The following CHST11 variants were observed in gnomAD, a reference collection of about 807,000 sequenced individuals.
CHST11 encodes the protein C4S-1.
A neutral mutation model predicts 30.4 loss-of-function variants in CHST11; 9 were observed. That is an observed-to-expected ratio of 0.30 (90% CI 0.18 to 0.52). CHST11 has a LOEUF of 0.52. Ranked by LOEUF, CHST11 falls within the 20% of genes least tolerant of loss-of-function variation. The probability of loss-of-function intolerance (pLI) is 0.97; values close to 1 mark genes in which losing one functional copy is unlikely to be tolerated. For synonymous variants in CHST11, 152 were observed against 187.8 expected, an observed-to-expected ratio of 0.81 and a Z score of 1.56; for missense variants, 348 against 460.6, an observed-to-expected ratio of 0.76 and a Z score of 2.24.
intron 2 of CHST11, among the ~76,000 whole-genome samples, chr12:104,678,956 G>T (rs80202848): frequency 1.3e-5 from 2 of 152,036 alleles, no homozygotes; most frequent in South Asian, 2.1e-4. Flanking sequence ...AATTTCTCCC[G>T]CTCTAGCTCA....
At chr12:104,693,574 GA>G (rs1412570249) in intron 2 of CHST11, among the ~76,000 whole-genome samples, 1 of 152,182 alleles carries the variant, frequency 6.6e-6, no homozygotes, top group Non-Finnish European at 1.5e-5. Context: ...CAGTCCACTG[GA>G]TGGGAGACAA....
intron 1 of CHST11, among the ~76,000 whole-genome samples, chr12:104,480,509 C>A (rs1407091713): frequency 7.0e-6 from 1 of 142,838 alleles, no homozygotes; most frequent in South Asian, 2.3e-4. Context: ...ACCTGGGAGG[C>A]GGAGGTTGCA....
At chr12:104,487,161 C>T (rs1379999384) in intron 1 of CHST11, among the ~76,000 whole-genome samples, 1 of 152,166 alleles carries the variant, frequency 6.6e-6, no homozygotes, top group Non-Finnish European at 1.5e-5. Flanking sequence ...TTGTAATAAC[C>T]CCGTTATCAA....
At chr12:104,738,857 C>G (rs549156243) in intron 2 of CHST11, among the ~76,000 whole-genome samples, 16 of 152,356 alleles carry the variant, frequency 1.1e-4, no homozygotes, top group African/African-American at 3.8e-4. Flanking sequence ...GAAATCATAT[C>G]TTGCTTCAAA....
In CHST11 at chr12:104,574,548, T is replaced by C. The variant is rs570184356; in HGVS notation, c.119-27358T>C. 7.7e-3 allele frequency among the ~76,000 whole-genome samples: 1,178 copies of C among 152,312 alleles called. 65 individuals are homozygous for C. Among genetic ancestry groups the C allele is most frequent in the Admixed American group, 0.07 (1,074 of 15,290 alleles). ...GCAGCCATAAAAAATGATGAGTTCA[T>C]GTCCTTTGTAGGGACATGGATGAAG... On this transcript the variant is annotated intron_variant, in intron 1 of 2. Coordinates refer to ENST00000303694, the MANE Select transcript of CHST11 (RefSeq NM_018413.6).
intron 2 of CHST11, among the ~76,000 whole-genome samples, chr12:104,728,331 A>G (rs1196668735): frequency 6.6e-6 from 1 of 152,192 alleles, no homozygotes; most frequent in Admixed American, 6.5e-5. Context: ...TTCAGAAGAA[A>G]GGAAACAGAA....
At chr12:104,574,345 G>A (rs1275150012) in intron 1 of CHST11, among the ~76,000 whole-genome samples, 17 of 152,142 alleles carry the variant, frequency 1.1e-4, no homozygotes, top group Admixed American at 1.1e-3. Flanking sequence ...ATTTGACCCA[G>A]CCATCCCATT....
At chr12:104,582,934 C>T (rs1212203189) in intron 1 of CHST11, among the ~76,000 whole-genome samples, 1 of 151,860 alleles carries the variant, frequency 6.6e-6, no homozygotes, top group Non-Finnish European at 1.5e-5. Flanking sequence ...CTGGCTGCTT[C>T]CCCTAGAGAC....
rs1555226434 is a variant in CHST11 at position 104,475,688 on chromosome 12, A to ATATATATATATT, written c.118+18162_118+18163insATATATATTTAT. Among the ~76,000 whole-genome samples the ATATATATATATT allele has an allele frequency of 5.0e-3, 390 of 78,274 alleles. 18 individuals carry two copies. The highest frequency in any genetic ancestry group is 8.3e-3 in the Middle Eastern group (1 of 120). 51.4% of individuals were successfully genotyped at this position (78,274 alleles called of 152,430 possible). On this transcript the variant is annotated intron_variant, in intron 1 of 2. Coordinates refer to ENST00000303694, the MANE Select transcript of CHST11 (RefSeq NM_018413.6). The stretch of plus-strand genomic sequence containing the variant: ...TATATATATATATATATATATATAT[A>ATATATATATATT]TATTTCTGATTATGAAATTAATTCA...
chr12:104,629,671 A>C lies in CHST11; in HGVS notation c.204+27680A>C, dbSNP rs139926568. The stretch of plus-strand genomic sequence containing the variant: ...ATCCCATCTCTACTAAAAATACAAA[A>C]TTTAACTGGGTGTGGTGGCACGCAC... On this transcript the variant is annotated intron_variant, in intron 2 of 2. Transcript: ENST00000303694. Among the ~76,000 whole-genome samples, 145 of 152,260 alleles carry C rather than the reference A, an allele frequency of 9.5e-4. 2 individuals are homozygous for C. In the East Asian group the frequency reaches 0.02, roughly 21 times the overall value.
intron 2 of CHST11, among the ~76,000 whole-genome samples, chr12:104,710,371 C>T (rs2040077011): frequency 6.6e-6 from 1 of 152,182 alleles, no homozygotes; most frequent in Non-Finnish European, 1.5e-5. Context: ...CAGACATTCC[C>T]AGCAGGCTCT....
chr12:104,515,792 G>A (rs375662147), intron 1 of CHST11, among the ~76,000 whole-genome samples: 4 of 152,206 alleles, frequency 2.6e-5, no homozygotes, highest in Admixed American at 2.6e-4. Context: ...TGGGGTGTGA[G>A]CCCTGAACCT....
chr12:104,620,814 G>A (rs1343141604), intron 2 of CHST11, among the ~76,000 whole-genome samples: 2 of 152,108 alleles, frequency 1.3e-5, no homozygotes, highest in African/African-American at 4.8e-5. Context: ...TTGGGATTCA[G>A]GCCTAGATAA....
intron 2 of CHST11, among the ~76,000 whole-genome samples, chr12:104,623,669 C>G (rs1399058566): frequency 1.3e-5 from 2 of 151,924 alleles, no homozygotes. Flanking sequence ...GAGATCGCGC[C>G]ACTGTCACCC....
intron 2 of CHST11, among the ~76,000 whole-genome samples, chr12:104,638,439 A>G (rs150595171): frequency 2.6e-5 from 4 of 152,140 alleles, no homozygotes; most frequent in African/African-American, 9.7e-5. Context: ...CAACCACTTG[A>G]CTCAACCTGA....
At chr12:104,616,094 G>A (rs2039105102) in intron 2 of CHST11, among the ~76,000 whole-genome samples, 1 of 152,200 alleles carries the variant, frequency 6.6e-6, no homozygotes, top group Non-Finnish European at 1.5e-5. Flanking sequence ...GCAGAGAGGA[G>A]CAAATGGTCC....
chr12:104,644,523 G>A (rs544320246), intron 2 of CHST11, among the ~76,000 whole-genome samples: 22 of 152,260 alleles, frequency 1.4e-4, no homozygotes, highest in Admixed American at 3.9e-4. Flanking sequence ...CCTGCAGCTG[G>A]CGTGGTGCTG....
intron 2 of CHST11, among the ~76,000 whole-genome samples, chr12:104,624,427 G>C (rs1461949639): frequency 6.6e-6 from 1 of 152,166 alleles, no homozygotes; most frequent in Non-Finnish European, 1.5e-5. Flanking sequence ...GGACTTCTTG[G>C]AATCAAAGTG....
intron 2 of CHST11, among the ~76,000 whole-genome samples, chr12:104,734,715 C>T (rs2040285266): frequency 6.6e-6 from 1 of 152,198 alleles, no homozygotes. Flanking sequence ...TCCTGGTAGG[C>T]ACTCAGGGAA....
Sources: gnomAD v4.1 joint callset for allele counts (sites outside exome capture counted in the v4.1 genomes callset) on GRCh38, gnomAD v4.1.1 for gene constraint, MANE v1.5 for transcripts, NCBI Gene and HGNC (gene_info 2026-07-23, HGNC 2026-07-21) for gene names.